TRPM3: variants seen among roughly 807,000 people sequenced by gnomAD.
The protein encoded by TRPM3 is transient receptor potential cation channel subfamily M member 3.
In TRPM3, 77 loss-of-function variants were observed where a neutral mutation model predicts 181.2. That is an observed-to-expected ratio of 0.42 (90% CI 0.35 to 0.51). The LOEUF (loss-of-function observed/expected upper bound fraction) is 0.51. Ranked by LOEUF, TRPM3 falls within the 20% of genes least tolerant of loss-of-function variation. TRPM3 has a pLI of 0.01. For synonymous variants in TRPM3, 745 were observed against 796.4 expected (o/e 0.94, Z 1.09); for missense variants, 1,759 against 2,196.7 (o/e 0.80, Z 3.98).
Position 71,280,333 on chromosome 9 carries a change from T to G in TRPM3, c.183+166320A>C, listed in dbSNP as rs143069490. Among the ~76,000 whole-genome samples, 17 of 152,286 alleles carry G rather than the reference T, an allele frequency of 1.1e-4. No individual in the cohort carries two copies. In the East Asian group the frequency reaches 3.3e-3, roughly 29 times the overall value. On this transcript the variant is annotated intron_variant, in intron 1 of 24. Coordinates refer to the TRPM3 transcript ENST00000357533. ...AAGTCTCATTATGATTTTGAAATTT[T>G]GTTTAAACAGAATGTTTGTGGAAAA...
At chr9:70,773,519 C>T (rs1402080522) in intron 7 of TRPM3, among the ~76,000 whole-genome samples, 2 of 152,100 alleles carry the variant, frequency 1.3e-5, no homozygotes, top group Non-Finnish European at 2.9e-5. Flanking sequence ...AATTCTCTTT[C>T]AAAGTAATTT....
intron 6 of TRPM3, among the ~76,000 whole-genome samples, chr9:70,787,969 GT>G (rs1247521557): frequency 2.8e-5 from 4 of 144,142 alleles, no homozygotes; most frequent in Admixed American, 1.4e-4. Context: ...AGGGCCCCTT[GT>G]CCCCGCTACC....
intron 1 of TRPM3, among the ~76,000 whole-genome samples, chr9:70,993,458 G>A (rs190065512): frequency 3.3e-5 from 5 of 152,242 alleles, no homozygotes; most frequent in East Asian, 3.9e-4. Context: ...TAGAATGGGC[G>A]CTTTAGCATT....
At chr9:71,227,224 G>A (rs769954209) in intron 1 of TRPM3, among the ~76,000 whole-genome samples, 20 of 151,390 alleles carry the variant, frequency 1.3e-4, no homozygotes, top group Non-Finnish European at 2.7e-4. Context: ...TAAACACATG[G>A]AAATTAAACA....
intron 1 of TRPM3, among the ~76,000 whole-genome samples, chr9:71,025,548 C>A (rs1207186200): frequency 6.6e-6 from 1 of 152,188 alleles, no homozygotes; most frequent in East Asian, 1.9e-4. Flanking sequence ...TAATACCGTA[C>A]ATTTCTTATT....
At chr9:71,180,783 C>A (rs902182922) in intron 1 of TRPM3, among the ~76,000 whole-genome samples, 13 of 151,954 alleles carry the variant, frequency 8.6e-5, no homozygotes, top group African/African-American at 2.2e-4. Context: ...TTTTTGACCC[C>A]AGTTAAATCT....
intron 6 of TRPM3, among the ~76,000 whole-genome samples, chr9:70,806,194 T>C (rs1042589384): frequency 1.3e-5 from 2 of 152,136 alleles, no homozygotes; most frequent in African/African-American, 4.8e-5. Flanking sequence ...TGAAACTCAT[T>C]ACGCAGCTTT....
intron 1 of TRPM3, among the ~76,000 whole-genome samples, chr9:70,956,728 A>T (rs2097076906): frequency 6.6e-6 from 1 of 151,920 alleles, no homozygotes; most frequent in Non-Finnish European, 1.5e-5. Context: ...TTACAAAAAA[A>T]TTTAAAAACT....
chr9:70,981,626 A>T (rs2134025278), intron 1 of TRPM3, among the ~76,000 whole-genome samples: 1 of 152,310 alleles, frequency 6.6e-6, no homozygotes, highest in East Asian at 1.9e-4. Context: ...CTGCAATATG[A>T]TGATAATAAT....
intron 1 of TRPM3, among the ~76,000 whole-genome samples, chr9:71,388,687 A>G (rs1194698193): frequency 6.6e-6 from 1 of 152,168 alleles, no homozygotes; most frequent in Admixed American, 6.6e-5. Flanking sequence ...ACAGTTCTAC[A>G]TGTACCACCC....
chr9:71,080,212 T>TAAATAAATAAAAA (rs2064077635), intron 1 of TRPM3, among the ~76,000 whole-genome samples: 2 of 62,224 alleles, frequency 3.2e-5, no homozygotes, highest in African/African-American at 1.4e-4. Flanking sequence ...ATAAATAAAA[T>TAAATAAATAAAAA]AAAAAGGGAG....
At chr9:71,095,371 T>C (rs1237344735) in intron 1 of TRPM3, among the ~76,000 whole-genome samples, 1 of 79,996 alleles carries the variant, frequency 1.3e-5, no homozygotes, top group Non-Finnish European at 2.4e-5. Context: ...AGAGGTGAGG[T>C]GGGGCACGAC....
chr9:70,545,585 C>T (rs72718948), intron 25 of TRPM3, among the ~76,000 whole-genome samples: 33,925 of 135,596 alleles, frequency 0.25, 4,622 homozygotes, highest in Middle Eastern at 0.37. Context: ...CTCGCTCTGT[C>T]GTCCAGGCTA....
At chr9:71,064,870 C>G (rs922596206) in intron 1 of TRPM3, among the ~76,000 whole-genome samples, 1 of 152,040 alleles carries the variant, frequency 6.6e-6, no homozygotes, top group East Asian at 1.9e-4. Context: ...TTCTTATTAG[C>G]CCAGAAACTC....
chr9:71,077,814 C>T (rs1288030218), intron 1 of TRPM3, among the ~76,000 whole-genome samples: 1 of 151,862 alleles, frequency 6.6e-6, no homozygotes, highest in East Asian at 1.9e-4. Flanking sequence ...AACTGAACTA[C>T]TTATTGTTGC....
chr9:71,187,067 T>A (rs1026308616), intron 1 of TRPM3, among the ~76,000 whole-genome samples: 1 of 152,050 alleles, frequency 6.6e-6, no homozygotes, highest in Non-Finnish European at 1.5e-5. Context: ...ACTAGTATGT[T>A]TGATACCAAC....
intron 6 of TRPM3, among the ~76,000 whole-genome samples, chr9:70,785,173 G>C (rs2083345285): frequency 6.6e-6 from 1 of 152,286 alleles, no homozygotes; most frequent in Admixed American, 6.5e-5. Context: ...ACATTTGTTG[G>C]ATTCAGTTGA....
At chr9:70,654,843 G>T (rs2133838580) in intron 9 of TRPM3, among the ~76,000 whole-genome samples, 2 of 151,572 alleles carry the variant, frequency 1.3e-5, no homozygotes, top group Middle Eastern at 6.8e-3. Context: ...CACCACGCCT[G>T]GCTAATTTTT....
chr9:71,100,391 C>T (rs911862215), intron 1 of TRPM3, among the ~76,000 whole-genome samples: 1 of 152,064 alleles, frequency 6.6e-6, no homozygotes, highest in Non-Finnish European at 1.5e-5. Context: ...CTCATTCCTT[C>T]ACTCTCAGGA....
Sources: gnomAD v4.1 joint callset for allele counts (sites outside exome capture counted in the v4.1 genomes callset) on GRCh38, gnomAD v4.1.1 for gene constraint, MANE v1.5 for transcripts, NCBI Gene and HGNC (gene_info 2026-07-23, HGNC 2026-07-21) for gene names.